The following PPP3CA variants were observed in gnomAD, a reference collection of about 807,000 sequenced individuals.
PPP3CA encodes the protein protein phosphatase 3 catalytic subunit alpha.
Under a neutral mutation model 66.5 loss-of-function variants are expected in PPP3CA, and 14 were observed. That is an observed-to-expected ratio of 0.21 (90% CI 0.14 to 0.33). PPP3CA has a LOEUF of 0.33. Among genes scored for constraint, PPP3CA ranks in the 10% least tolerant of loss-of-function variants. PPP3CA has a pLI of 1.00. For synonymous variants in PPP3CA, 232 were observed against 226.2 expected, an observed-to-expected ratio of 1.03 and a Z score of -0.23; for missense variants, 317 against 639.5, an observed-to-expected ratio of 0.50 and a Z score of 5.44.
chr4:101,099,115 G>A (rs913415044), intron 4 of PPP3CA, among the ~76,000 whole-genome samples: 2 of 152,066 alleles, frequency 1.3e-5, no homozygotes, highest in Non-Finnish European at 2.9e-5. Context: ...GTAAGATTCA[G>A]TGAATAATAA....
intron 11 of PPP3CA, among the ~76,000 whole-genome samples, chr4:101,036,346 C>T (rs1054193711): frequency 2.0e-5 from 3 of 152,124 alleles, no homozygotes; most frequent in Non-Finnish European, 4.4e-5. Flanking sequence ...TTTAGCAAGA[C>T]CATCAGCTTA....
In PPP3CA at chr4:101,071,931, A is replaced by T. The variant is rs573418920; in HGVS notation, c.956-8574T>A. ...TTCATTCAATTAAAATATATAGTAC[A>T]AGGAATCTTTCAATATTAAATTTTA... On this transcript the variant is annotated intron_variant, in intron 8 of 13. Coordinates refer to ENST00000394854, the MANE Select transcript of PPP3CA (RefSeq NM_000944.5). 3.3e-5 allele frequency among the ~76,000 whole-genome samples: 5 copies of T among 152,222 alleles called. No homozygotes were observed. The South Asian group carries it at 6.2e-4, about 19-fold the overall frequency.
intron 1 of PPP3CA, among the ~76,000 whole-genome samples, chr4:101,316,936 A>G (rs1420636051): frequency 6.6e-6 from 1 of 152,226 alleles, no homozygotes; most frequent in Non-Finnish European, 1.5e-5. Flanking sequence ...ACTAATGAAG[A>G]AAGTACATTT....
In PPP3CA at chr4:101,106,458, A is replaced by AGAAAGAAAGAAGAGAAGAGAAG. The variant is rs1560605216; in HGVS notation, c.384+2495_384+2496insCTTCTCTTCTCTTCTTTCTTTC. ...GAAAGAAAGAAAGAAAGAAAGAGAA[A>AGAAAGAAAGAAGAGAAGAGAAG]AGAAAAGAAAAGAAAAGAAAAGAAA... On this transcript the variant is annotated intron_variant, in intron 3 of 13. Coordinates refer to ENST00000394854, the MANE Select transcript of PPP3CA (RefSeq NM_000944.5). 6.7e-4 allele frequency among the ~76,000 whole-genome samples: 22 copies of AGAAAGAAAGAAGAGAAGAGAAG among 32,674 alleles called. 3 individuals carry two copies. Among genetic ancestry groups the AGAAAGAAAGAAGAGAAGAGAAG allele is most frequent in the Admixed American group, 1.1e-3 (4 of 3,630 alleles). 21.4% of individuals were successfully genotyped at this position (32,674 alleles called of 152,430 possible).
chr4:101,052,618 T>G (rs1340188540), intron 10 of PPP3CA, among the ~76,000 whole-genome samples: 1 of 151,446 alleles, frequency 6.6e-6, no homozygotes, highest in African/African-American at 2.4e-5. Context: ...AAAAAAAGCC[T>G]GAGAAGAATT....
chr4:101,341,609 T>C (rs1729820570), intron 1 of PPP3CA, among the ~76,000 whole-genome samples: 1 of 152,148 alleles, frequency 6.6e-6, no homozygotes, highest in Admixed American at 6.5e-5. Context: ...CACTCCCCAT[T>C]TCCCATTTGA....
Position 101,033,934 on chromosome 4 carries a change from G to C in PPP3CA, c.1242-1570C>G, listed in dbSNP as rs142979858. On this transcript the variant is annotated intron_variant, in intron 11 of 13. Transcript: ENST00000394854. ...CCAGCATCACCTACCTGGATTGCAGGAGCCTTCCGAATGGTCTCTCTGCTC... is the reference window on the plus strand; with the variant it reads ...CCAGCATCACCTACCTGGATTGCAGCAGCCTTCCGAATGGTCTCTCTGCTC... Among the ~76,000 whole-genome samples the C allele has an allele frequency of 4.5e-4, 68 of 152,166 alleles. 1 individual carries two copies. In the East Asian group the frequency reaches 0.013, roughly 29 times the overall value.
At chr4:101,145,711 T>C (rs1722949014) in intron 2 of PPP3CA, among the ~76,000 whole-genome samples, 2 of 152,138 alleles carry the variant, frequency 1.3e-5, no homozygotes, top group African/African-American at 2.4e-5. Flanking sequence ...AATTATTTCT[T>C]ACCCAACAAT....
intron 1 of PPP3CA, among the ~76,000 whole-genome samples, chr4:101,253,199 A>C (rs1241005591): frequency 6.6e-6 from 1 of 152,200 alleles, no homozygotes; most frequent in Non-Finnish European, 1.5e-5. Flanking sequence ...GTTTAAATAC[A>C]ATTATCTTAA....
chr4:101,244,567 A>G (rs1011761890), intron 1 of PPP3CA, among the ~76,000 whole-genome samples: 19 of 152,190 alleles, frequency 1.2e-4, no homozygotes, highest in Admixed American at 1.2e-3. Flanking sequence ...CAGCACAATT[A>G]AGAGTACGCT....
intron 10 of PPP3CA, among the ~76,000 whole-genome samples, chr4:101,048,083 C>T (rs1727847092): frequency 6.6e-6 from 1 of 151,976 alleles, no homozygotes; most frequent in Non-Finnish European, 1.5e-5. Flanking sequence ...GTGTGTGCCC[C>T]AGAGGTTTTT....
At chr4:101,028,819 G>A (rs919666216) in intron 13 of PPP3CA, among the ~76,000 whole-genome samples, 5 of 152,056 alleles carry the variant, frequency 3.3e-5, no homozygotes, top group African/African-American at 1.2e-4. Context: ...AGTGATTTGA[G>A]GGAGGGACAT....
chr4:101,264,618 G>T (rs1434547485), intron 1 of PPP3CA, among the ~76,000 whole-genome samples: 1 of 152,152 alleles, frequency 6.6e-6, no homozygotes, highest in African/African-American at 2.4e-5. Flanking sequence ...AGTTTGTTGT[G>T]CAGATCTTTG....
intron 2 of PPP3CA, among the ~76,000 whole-genome samples, chr4:101,168,920 T>C (rs922047142): frequency 6.6e-6 from 1 of 152,212 alleles, no homozygotes; most frequent in Non-Finnish European, 1.5e-5. Flanking sequence ...CTTAGCCTTC[T>C]AAAGCAATGA....
rs62305943 is a variant in PPP3CA at position 101,230,013 on chromosome 4, G to A, written c.59-33897C>T. ...AGTATTGAGATACATAAAGAGAGGTGGCTAGATAAATACAGTTCCTTCTTT... is the reference window on the plus strand; with the variant it reads ...AGTATTGAGATACATAAAGAGAGGTAGCTAGATAAATACAGTTCCTTCTTT... On this transcript the variant is annotated intron_variant, in intron 1 of 13. Transcript: ENST00000394854. Among the ~76,000 whole-genome samples the A allele has an allele frequency of 2.7e-3, 412 of 151,708 alleles. 1 individual carries two copies. Among genetic ancestry groups the A allele is most frequent in the Non-Finnish European group, 4.5e-3 (306 of 67,756 alleles).
At chr4:101,164,504 C>T (rs1297527822) in intron 2 of PPP3CA, among the ~76,000 whole-genome samples, 1 of 151,464 alleles carries the variant, frequency 6.6e-6, no homozygotes, top group African/African-American at 2.4e-5. Context: ...CCTCTTGTCC[C>T]CTATAAGGTC....
intron 1 of PPP3CA, among the ~76,000 whole-genome samples, chr4:101,280,807 C>A (rs1727656127): frequency 7.8e-6 from 1 of 127,846 alleles, no homozygotes. Context: ...GTGACAGAGC[C>A]AGACTCAGTC....
chr4:101,239,578 G>T (rs183209543), intron 1 of PPP3CA, among the ~76,000 whole-genome samples: 1 of 152,054 alleles, frequency 6.6e-6, no homozygotes, highest in African/African-American at 2.4e-5. Context: ...GCAAGTAGAT[G>T]GTAAATATGA....
intron 1 of PPP3CA, among the ~76,000 whole-genome samples, chr4:101,346,028 G>T (rs1391915466): frequency 6.6e-6 from 1 of 152,142 alleles, no homozygotes; most frequent in East Asian, 1.9e-4. Flanking sequence ...TCCCGGGGCG[G>T]CAACGGCTGG....
Sources: allele counts gnomAD v4.1 joint callset (sites outside exome capture counted in the v4.1 genomes callset), GRCh38; gene constraint gnomAD v4.1.1; transcripts MANE v1.5; gene names NCBI Gene and HGNC (gene_info 2026-07-23, HGNC 2026-07-21).